The following RAB7B variants were observed in gnomAD, a reference collection of about 807,000 sequenced individuals.
The protein encoded by RAB7B is RAB7B, member RAS oncogene family.
intron 4 of RAB7B, among the ~76,000 whole-genome samples, chr1:205,990,592 G>A (rs1056376272): frequency 4.5e-4 from 69 of 152,174 alleles, no homozygotes; most frequent in African/African-American, 1.7e-3. Context: ...AAGACTGCTT[G>A]GAGGAAAAGG....
chr1:205,999,574 G>A (rs988477168), intron 1 of RAB7B, among the ~76,000 whole-genome samples: 5 of 152,094 alleles, frequency 3.3e-5, no homozygotes, highest in Non-Finnish European at 5.9e-5. Flanking sequence ...ATATCAAAAC[G>A]TAATATGCAC....
rs1180141784 is a variant in RAB7B, at chr1:205,977,899, C to T, written c.*952G>A. 6.6e-6 allele frequency: 1 copy of T among 152,192 alleles called. No homozygotes were observed. Among genetic ancestry groups the T allele is most frequent in the East Asian group, 1.9e-4 (1 of 5,194 alleles). 9.4% of individuals were successfully genotyped at this position (152,192 alleles called of 1,614,324 possible). A position where few individuals can be genotyped will look rare whatever the true frequency, so the allele number is the denominator to read the frequency against. ...ACCCCCTGTCACTCTATCCCATTAC[C>T]CTGTTTCCCTTTGTTTATAGCACTT... On this transcript the variant is annotated 3_prime_UTR_variant, in exon 6 of 6. Transcript: ENST00000617070.
intron 5 of RAB7B, among the ~76,000 whole-genome samples, chr1:205,984,552 G>A (rs1311995469): frequency 6.6e-6 from 1 of 152,142 alleles, no homozygotes; most frequent in Non-Finnish European, 1.5e-5. Context: ...GACACAAGCT[G>A]AGCCCCTCCC....
At chr1:205,993,964 A>T (rs1327239563) in intron 2 of RAB7B, 119 bp downstream of exon 2, 6 of 397,246 alleles carry the variant, frequency 1.5e-5, no homozygotes, top group Non-Finnish European at 1.8e-5. Context: ...GATGGGATAC[A>T]GTTGCTGGTG....
intron 1 of RAB7B, among the ~76,000 whole-genome samples, chr1:206,000,464 G>A (rs1660874844): frequency 6.6e-6 from 1 of 152,198 alleles, no homozygotes; most frequent in African/African-American, 2.4e-5. Context: ...ATGAGTTTGG[G>A]ACTCAGAATT....
chr1:205,984,726 A>G (rs1416419612), intron 5 of RAB7B, among the ~76,000 whole-genome samples: 2 of 152,086 alleles, frequency 1.3e-5, no homozygotes, highest in African/African-American at 4.8e-5. Context: ...CATGAATGTC[A>G]TTGCCCCTTT....
intron 1 of RAB7B, among the ~76,000 whole-genome samples, chr1:205,995,191 G>A (rs1222236081): frequency 2.0e-5 from 3 of 151,882 alleles, no homozygotes; most frequent in African/African-American, 7.3e-5. Flanking sequence ...ACAACAACAT[G>A]GTGCATGTGT....
At chr1:205,991,474 C>T (rs909112523) in intron 4 of RAB7B, among the ~76,000 whole-genome samples, 27 of 152,322 alleles carry the variant, frequency 1.8e-4, no homozygotes, top group South Asian at 4.1e-4. Context: ...CATTCCAAAG[C>T]CTGCTGGCCA....
At chr1:205,994,666 A>G (rs1660779880) in intron 1 of RAB7B, among the ~76,000 whole-genome samples, 2 of 152,184 alleles carry the variant, frequency 1.3e-5, no homozygotes, top group Admixed American at 6.5e-5. Flanking sequence ...GGTGTAATTC[A>G]TACATGTTTC....
rs1028718155 is a variant in RAB7B, at chr1:205,986,015, C to A, written c.397-350G>T. ...TTTGAACACAGGCCTGGCGGAATTA[C>A]AGCCCACTGCACTTTGTTGCCTTCC... On this transcript the variant is annotated intron_variant, in intron 4 of 5. Transcript: ENST00000617070. 8.1e-3 allele frequency among the ~76,000 whole-genome samples: 1,235 copies of A among 152,386 alleles called. 15 individuals carry two copies. The highest frequency in any genetic ancestry group is 0.028 in the African/African-American group (1,185 of 41,594).
At chr1:205,984,195 A>G (rs1489208077) in intron 5 of RAB7B, 1 of 152,174 alleles carries the variant, frequency 6.6e-6, no homozygotes, top group Admixed American at 6.5e-5. Context: ...CTTTCCCGAG[A>G]CAGTGAGGGC....
chr1:205,994,390 T>G, intron 1 of RAB7B: 3 of 297,944 alleles, frequency 1.0e-5, no homozygotes, highest in Non-Finnish European at 1.9e-5. Flanking sequence ...GGCAAATCTC[T>G]CATCCCTCAG....
intron 4 of RAB7B, among the ~76,000 whole-genome samples, chr1:205,991,965 C>T (rs1200802368): frequency 6.6e-6 from 1 of 152,164 alleles, no homozygotes; most frequent in Non-Finnish European, 1.5e-5. Flanking sequence ...TAAGCTAATA[C>T]AAAAATTATT....
chr1:205,986,465 C>G (rs1013575851), intron 4 of RAB7B, among the ~76,000 whole-genome samples: 18 of 152,370 alleles, frequency 1.2e-4, no homozygotes, highest in Middle Eastern at 6.8e-3. Context: ...AGTGCTCCCC[C>G]TGGCATCTGA....
intron 1 of RAB7B, among the ~76,000 whole-genome samples, chr1:206,001,964 T>A (rs1660899793): frequency 6.6e-6 from 1 of 152,138 alleles, no homozygotes; most frequent in African/African-American, 2.4e-5. Context: ...GGGTATCACT[T>A]CTGCTGACAG....
intron 1 of RAB7B, among the ~76,000 whole-genome samples, chr1:206,000,924 A>G (rs1660880589): frequency 6.6e-6 from 1 of 152,158 alleles, no homozygotes; most frequent in African/African-American, 2.4e-5. Context: ...GGGCCACACA[A>G]AAAGTGCTCA....
intron 4 of RAB7B, among the ~76,000 whole-genome samples, chr1:205,987,145 C>A (rs1298569413): frequency 6.6e-6 from 1 of 152,160 alleles, no homozygotes; most frequent in Non-Finnish European, 1.5e-5. Flanking sequence ...TCCTCCCCAC[C>A]CCAACCTCAG....
intron 1 of RAB7B, among the ~76,000 whole-genome samples, chr1:206,001,851 G>T (rs1049445885): frequency 1.3e-5 from 2 of 152,132 alleles, no homozygotes; most frequent in Non-Finnish European, 2.9e-5. Context: ...CTCCAAGAAC[G>T]CTGGAACCCC....
At chr1:205,985,848 T>TCCCCACCATCCCCACCAGG (rs1571792921) in intron 4 of RAB7B, among the ~76,000 whole-genome samples, 183 bp from the exon 5 acceptor site, 1 of 6,406 alleles carries the variant, frequency 1.6e-4, no homozygotes. Flanking sequence ...CCACCACCAC[T>TCCCCACCATCCCCACCAGG]CCCATTTATT....
Sources: gnomAD v4.1 joint callset for allele counts (sites outside exome capture counted in the v4.1 genomes callset) on GRCh38, gnomAD v4.1.1 for gene constraint, MANE v1.5 for transcripts, NCBI Gene and HGNC (gene_info 2026-07-23, HGNC 2026-07-21) for gene names.